COMMD10: variants seen among roughly 807,000 people sequenced by gnomAD.
COMMD10 encodes the protein COMM domain containing 10.
A neutral mutation model predicts 28.9 loss-of-function variants in COMMD10; 33 were observed. The observed-to-expected ratio is 1.14, with a 90% CI of 0.87 to 1.53. The LOEUF (loss-of-function observed/expected upper bound fraction) is 1.53. Ranked by LOEUF, COMMD10 falls within the 40% of genes most tolerant of loss-of-function variation. COMMD10 has a pLI of 0.00. For synonymous variants in COMMD10, 110 were observed against 81.7 expected (o/e 1.35, Z -1.87); for missense variants, 310 against 233.4 (o/e 1.33, Z -2.14).
intron 5 of COMMD10, among the ~76,000 whole-genome samples, chr5:116,249,141 T>A (rs1032406428): frequency 2.0e-5 from 3 of 151,984 alleles, no homozygotes; most frequent in Non-Finnish European, 4.4e-5. Context: ...TAAATTCTTA[T>A]TACCTTGGTA....
At chr5:116,236,194 A>G (rs949145059) in intron 5 of COMMD10, among the ~76,000 whole-genome samples, 1 of 152,100 alleles carries the variant, frequency 6.6e-6, no homozygotes, top group Non-Finnish European at 1.5e-5. Context: ...ACAATGGAAT[A>G]TTATTCAGTG....
At position 116,282,242 on chromosome 5, in the gene COMMD10, A is replaced by C. The variant is rs138031528; in HGVS notation, c.511-9275A>C. Among the ~76,000 whole-genome samples, 211 of 151,924 alleles carry C rather than the reference A, an allele frequency of 1.4e-3. 2 individuals carry two copies. Among genetic ancestry groups the C allele is most frequent in the African/African-American group, 4.5e-3 (184 of 41,256 alleles). On this transcript the variant is annotated intron_variant, in intron 5 of 6. Transcript: ENST00000274458. ...TCATCCCAATTCAAGTCTGTCATCAAGTGCTGTCTCATCTACCTCTAAACA... is the reference window on the plus strand; with the variant it reads ...TCATCCCAATTCAAGTCTGTCATCACGTGCTGTCTCATCTACCTCTAAACA...
At chr5:116,218,316 TG>T in intron 5 of COMMD10, 1 of 697,738 alleles carries the variant, frequency 1.4e-6, no homozygotes, top group Non-Finnish European at 2.7e-6. Flanking sequence ...GTGATGGTGG[TG>T]GGACATAGGC....
At chr5:116,286,188 A>G (rs901575140) in intron 5 of COMMD10, among the ~76,000 whole-genome samples, 9 of 151,502 alleles carry the variant, frequency 5.9e-5, no homozygotes, top group Non-Finnish European at 1.0e-4. Flanking sequence ...TTTTATTTCT[A>G]TGGCATCTGT....
rs750032337 is a variant in COMMD10 at position 116,134,046 on chromosome 5, A to T, written c.400-22A>T. Reference sequence around the variant, plus strand: ...TCTTCCTTCTGTACCATCTGATTCCAATCTGCACCTGTCTTTTATAGCTAG... The same window carrying T: ...TCTTCCTTCTGTACCATCTGATTCCTATCTGCACCTGTCTTTTATAGCTAG... On this transcript the variant is annotated intron_variant, in intron 4 of 6. Coordinates refer to ENST00000274458, the MANE Select transcript of COMMD10 (RefSeq NM_016144.4). The T allele has an allele frequency of 7.4e-6, 10 of 1,344,722 alleles. No individual in the cohort carries two copies. In the East Asian group the frequency reaches 2.1e-4, roughly 28 times the overall value. 83.3% of individuals were successfully genotyped at this position (1,344,722 alleles called of 1,614,324 possible). A position where few individuals can be genotyped will look rare whatever the true frequency, so the allele number is the denominator to read the frequency against.
rs556335993 is a variant in COMMD10 at position 116,210,172 on chromosome 5, C to T, written c.510+75994C>T. Among the ~76,000 whole-genome samples, 3 of 152,252 alleles carry T rather than the reference C, an allele frequency of 2.0e-5. No individual in the cohort carries two copies. In the East Asian group the frequency reaches 5.8e-4, roughly 29 times the overall value. On this transcript the variant is annotated intron_variant, in intron 5 of 6. Coordinates refer to ENST00000274458, the MANE Select transcript of COMMD10 (RefSeq NM_016144.4). ...AATCCATTCACAAGGGTGGTATCCA[C>T]CTGACCTAATCACCTCCTAAAGGTC...
intron 5 of COMMD10, among the ~76,000 whole-genome samples, chr5:116,147,274 A>G (rs1357216117): frequency 6.6e-6 from 1 of 151,890 alleles, no homozygotes; most frequent in Non-Finnish European, 1.5e-5. Context: ...TACCGTAACT[A>G]GGGTCATTGA....
At chr5:116,104,747 G>C (rs775437906) in intron 4 of COMMD10, among the ~76,000 whole-genome samples, 1 of 151,920 alleles carries the variant, frequency 6.6e-6, no homozygotes, top group African/African-American at 2.4e-5. Flanking sequence ...AGCCTCCCTA[G>C]TAGCTGGGAC....
chr5:116,291,682 C>A, intron 6 of COMMD10, 106 bp downstream of exon 6: 2 of 607,368 alleles, frequency 3.3e-6, no homozygotes, highest in Non-Finnish European at 5.5e-6. Flanking sequence ...GAACTAAGTT[C>A]TTTAAACTTC....
intron 5 of COMMD10, among the ~76,000 whole-genome samples, chr5:116,197,029 A>G (rs189670269): frequency 6.2e-4 from 94 of 152,304 alleles, no homozygotes; most frequent in African/African-American, 2.1e-3. Flanking sequence ...TCAGTAATTT[A>G]TATCAGAAGT....
chr5:116,206,070 T>G (rs1047815976), intron 5 of COMMD10, among the ~76,000 whole-genome samples: 1 of 152,216 alleles, frequency 6.6e-6, no homozygotes. Context: ...TCTGAAATTA[T>G]TAGCTCACTG....
In COMMD10 at chr5:116,196,728, A is replaced by G. The variant is rs532816434; in HGVS notation, c.510+62550A>G. On this transcript the variant is annotated intron_variant, in intron 5 of 6. Coordinates refer to ENST00000274458, the MANE Select transcript of COMMD10 (RefSeq NM_016144.4). ...GCTGTTAGTCACAGAAATACTAACTATGTGTATATGAATGGCTTTTCACAG... is the reference window on the plus strand; with the variant it reads ...GCTGTTAGTCACAGAAATACTAACTGTGTGTATATGAATGGCTTTTCACAG... Among the ~76,000 whole-genome samples, 5 of 137,918 alleles carry G rather than the reference A, an allele frequency of 3.6e-5. No individual in the cohort carries two copies. In the South Asian group the frequency reaches 1.1e-3, roughly 29 times the overall value. The allele number at this position is 137,918 out of a possible 152,430, so 90.5% of individuals were successfully genotyped here. A position where few individuals can be genotyped will look rare whatever the true frequency, so the allele number is the denominator to read the frequency against.
Position 116,111,471 on chromosome 5 carries a change from C to G in COMMD10, c.399+18771C>G, listed in dbSNP as rs543770093. On this transcript the variant is annotated intron_variant, in intron 4 of 6. Transcript: ENST00000274458. ...TACAGGTTTTTGTATGTTGTATTTC[C>G]AGTTTCATTTGTTTCATAAAATTTT... Among the ~76,000 whole-genome samples, 10 of 57,158 alleles carry G rather than the reference C, an allele frequency of 1.7e-4. No individual in the cohort carries two copies. The South Asian group carries it at 7.7e-3, about 44-fold the overall frequency. The allele number at this position is 57,158 out of a possible 152,430, so 37.5% of individuals were successfully genotyped here.
chr5:116,101,407 C>CT (rs1252140961), intron 4 of COMMD10, among the ~76,000 whole-genome samples: 1 of 151,638 alleles, frequency 6.6e-6, no homozygotes, highest in Non-Finnish European at 1.5e-5. Flanking sequence ...TATTTTTTAA[C>CT]TTTTTTATTT....
At chr5:116,189,916 C>T in intron 5 of COMMD10, among the ~76,000 whole-genome samples, 1 of 152,168 alleles carries the variant, frequency 6.6e-6, no homozygotes, top group East Asian at 1.9e-4. Flanking sequence ...GGCATGTACT[C>T]CTGACCTTCT....
intron 5 of COMMD10, among the ~76,000 whole-genome samples, chr5:116,254,296 C>T (rs888743385): frequency 9.7e-4 from 148 of 152,088 alleles, no homozygotes; most frequent in African/African-American, 3.5e-3. Flanking sequence ...TCTGTATTTC[C>T]TTCAGTTCTG....
intron 5 of COMMD10, among the ~76,000 whole-genome samples, chr5:116,175,058 C>T (rs1350124433): frequency 6.6e-6 from 1 of 152,046 alleles, no homozygotes; most frequent in African/African-American, 2.4e-5. Context: ...TAACTATTTC[C>T]TTTACTTCCT....
intron 4 of COMMD10, among the ~76,000 whole-genome samples, chr5:116,123,129 C>T (rs574042428): frequency 6.6e-6 from 1 of 151,912 alleles, no homozygotes; most frequent in East Asian, 1.9e-4. Flanking sequence ...ATAAATAGCT[C>T]TTATTATTTT....
chr5:116,117,335 C>T (rs192878905), intron 4 of COMMD10, among the ~76,000 whole-genome samples: 2 of 152,110 alleles, frequency 1.3e-5, no homozygotes, highest in East Asian at 3.9e-4. Flanking sequence ...CTGAGACTTC[C>T]TATTTAAGTT....
Sources: allele counts gnomAD v4.1 joint callset (sites outside exome capture counted in the v4.1 genomes callset), GRCh38; gene constraint gnomAD v4.1.1; transcripts MANE v1.5; gene names NCBI Gene and HGNC (gene_info 2026-07-23, HGNC 2026-07-21).